TSHZ2: variants seen among roughly 807,000 people sequenced by gnomAD.
TSHZ2 encodes teashirt homolog 2.
A neutral mutation model predicts 74.4 loss-of-function variants in TSHZ2; 21 were observed. The observed-to-expected ratio is 0.28, with a 90% CI of 0.20 to 0.41. TSHZ2 has a LOEUF of 0.41. Ranked by LOEUF, TSHZ2 falls within the 10% of genes least tolerant of loss-of-function variation. TSHZ2 has a pLI of 1.00. For missense variants in TSHZ2, 1,244 were observed against 1,293.5 expected (o/e 0.96, Z 0.59); for synonymous variants, 540 against 515.3 (o/e 1.05, Z -0.65).
intron 1 of TSHZ2, among the ~76,000 whole-genome samples, chr20:53,105,646 TTTTA>T (rs1986340629): frequency 6.6e-6 from 1 of 151,906 alleles, no homozygotes; most frequent in Admixed American, 6.6e-5. Flanking sequence ...TTATTTTTAT[TTTTA>T]TTTATTAATT....
At chr20:53,401,570 A>G (rs1456147436) in intron 2 of TSHZ2, among the ~76,000 whole-genome samples, 3 of 134,520 alleles carry the variant, frequency 2.2e-5, no homozygotes, top group Non-Finnish European at 4.8e-5. Context: ...CCGAGTCCCC[A>G]AAGTCCATTA....
At chr20:53,462,461 T>A (rs1018793249) in intron 2 of TSHZ2, among the ~76,000 whole-genome samples, 3 of 152,190 alleles carry the variant, frequency 2.0e-5, no homozygotes, top group African/African-American at 7.2e-5. Context: ...GCCTCCACGC[T>A]GTTGGTCAAT....
chr20:53,237,655 C>G (rs915605147), intron 1 of TSHZ2, among the ~76,000 whole-genome samples: 3 of 152,162 alleles, frequency 2.0e-5, no homozygotes, highest in African/African-American at 7.2e-5. Context: ...TTTTCCTGAT[C>G]AGCGGTAGCG....
At chr20:53,021,382 C>T (rs555623996) in intron 1 of TSHZ2, among the ~76,000 whole-genome samples, 1 of 152,156 alleles carries the variant, frequency 6.6e-6, no homozygotes, top group Non-Finnish European at 1.5e-5. Context: ...GTTTAGCAAG[C>T]CTCACTGGTG....
chr20:53,488,709 AT>A lies in TSHZ2; in HGVS notation c.*1583del, dbSNP rs1301014590. The A allele has an allele frequency of 2.1e-3, 581 of 274,286 alleles. 1 individual carries two copies. The highest frequency in any genetic ancestry group is 4.1e-3 in the South Asian group (110 of 26,532). 17.0% of individuals were successfully genotyped at this position (274,286 alleles called of 1,614,324 possible). ...TGTTGTTGCTTTAATTACCAAGGTT[AT>A]TTTTTTTTAATCTCAACACTGACAA... is the stretch of plus-strand genomic sequence containing the variant. On this transcript the variant is annotated 3_prime_UTR_variant, in exon 3 of 3. Coordinates refer to ENST00000371497, the MANE Select transcript of TSHZ2 (RefSeq NM_173485.6).
intron 1 of TSHZ2, among the ~76,000 whole-genome samples, chr20:53,203,605 C>A (rs988555419): frequency 1.3e-5 from 2 of 152,090 alleles, no homozygotes; most frequent in African/African-American, 4.8e-5. Flanking sequence ...GGCAGATTCT[C>A]CAGCATCCAC....
At chr20:53,229,520 G>A (rs1486831372) in intron 1 of TSHZ2, among the ~76,000 whole-genome samples, 3 of 152,104 alleles carry the variant, frequency 2.0e-5, no homozygotes, top group African/African-American at 4.8e-5. Flanking sequence ...AGTTCTAATC[G>A]TCATGAGCCT....
At chr20:53,032,260 T>C (rs868811827) in intron 1 of TSHZ2, among the ~76,000 whole-genome samples, 2 of 152,240 alleles carry the variant, frequency 1.3e-5, no homozygotes, top group Non-Finnish European at 1.5e-5. Flanking sequence ...CGTTTATAGC[T>C]GACGAGTTCT....
chr20:53,209,100 ATT>A (rs974402432), intron 1 of TSHZ2, among the ~76,000 whole-genome samples: 1 of 149,666 alleles, frequency 6.7e-6, no homozygotes, highest in Non-Finnish European at 1.5e-5. Context: ...AAATATGCAC[ATT>A]TTTTTTTTCG....
At chr20:53,346,293 T>G (rs934769189) in intron 2 of TSHZ2, among the ~76,000 whole-genome samples, 1 of 152,202 alleles carries the variant, frequency 6.6e-6, no homozygotes, top group African/African-American at 2.4e-5. Context: ...TTGATTGAGT[T>G]TCACTGAGGA....
intron 1 of TSHZ2, among the ~76,000 whole-genome samples, chr20:53,036,441 C>T (rs1054176732): frequency 1.3e-5 from 2 of 151,564 alleles, no homozygotes; most frequent in African/African-American, 2.4e-5. Flanking sequence ...CGTATACATA[C>T]ACACATATAT....
At chr20:53,159,759 G>A (rs1987883953) in intron 1 of TSHZ2, among the ~76,000 whole-genome samples, 1 of 151,618 alleles carries the variant, frequency 6.6e-6, no homozygotes. Flanking sequence ...GATTCTGACA[G>A]TAAATTTATT....
At chr20:53,044,142 G>A (rs538024990) in intron 1 of TSHZ2, among the ~76,000 whole-genome samples, 9 of 152,300 alleles carry the variant, frequency 5.9e-5, no homozygotes, top group African/African-American at 1.9e-4. Flanking sequence ...TCTGATTTTG[G>A]ATTGTTTCAG....
intron 2 of TSHZ2, among the ~76,000 whole-genome samples, chr20:53,378,167 C>T (rs1383552843): frequency 6.6e-6 from 1 of 151,902 alleles, no homozygotes; most frequent in Non-Finnish European, 1.5e-5. Context: ...TGGTGAAACC[C>T]CATCTCTAAT....
At chr20:53,004,681 G>A (rs1005766991) in intron 1 of TSHZ2, among the ~76,000 whole-genome samples, 2 of 152,168 alleles carry the variant, frequency 1.3e-5, no homozygotes, top group African/African-American at 2.4e-5. Flanking sequence ...GCACACAAAA[G>A]AAATGTGTGG....
chr20:53,147,710 A>ATTTTG (rs3070082), intron 1 of TSHZ2, among the ~76,000 whole-genome samples: 9,712 of 151,904 alleles, frequency 0.064, 331 homozygotes, highest in Non-Finnish European at 0.078. Context: ...TGGTGGGTCT[A>ATTTTG]TTTTGTTTTG....
At chr20:53,166,469 A>C (rs548029423) in intron 1 of TSHZ2, among the ~76,000 whole-genome samples, 163 of 152,072 alleles carry the variant, frequency 1.1e-3, no homozygotes, top group Admixed American at 2.2e-3. Context: ...AAAACTAAAC[A>C]TTTGAAAAAT....
intron 1 of TSHZ2, among the ~76,000 whole-genome samples, chr20:53,187,681 A>G (rs1481963383): frequency 6.8e-6 from 1 of 146,454 alleles, no homozygotes; most frequent in Non-Finnish European, 1.5e-5. Context: ...ATTTGGTTGA[A>G]AAGTTCTCAG....
At chr20:53,090,608 C>T (rs1362324933) in intron 1 of TSHZ2, among the ~76,000 whole-genome samples, 2 of 152,130 alleles carry the variant, frequency 1.3e-5, no homozygotes, top group Non-Finnish European at 2.9e-5. Context: ...ACCATTTCCC[C>T]GTCTGCCAAA....
Sources: allele counts gnomAD v4.1 joint callset (sites outside exome capture counted in the v4.1 genomes callset), GRCh38; gene constraint gnomAD v4.1.1; transcripts MANE v1.5; gene names NCBI Gene and HGNC (gene_info 2026-07-23, HGNC 2026-07-21).